DNAJC4: variants seen among roughly 807,000 people sequenced by gnomAD.
The protein encoded by DNAJC4 is dnaJ homolog subfamily C member 4.
Under a neutral mutation model 26.8 loss-of-function variants are expected in DNAJC4, and 26 were observed. The ratio of observed to expected loss-of-function variants is 0.97; its 90% confidence interval spans 0.71 to 1.34. The LOEUF is 1.34. DNAJC4 is among the 40% of genes most tolerant of loss of function. The pLI is 0.00. For missense variants in DNAJC4, 342 were observed against 321.1 expected, an observed-to-expected ratio of 1.07 and a Z score of -0.50; for synonymous variants, 134 against 127.8, an observed-to-expected ratio of 1.05 and a Z score of -0.33.
Position 64,234,015 on chromosome 11 carries a change from G to C in DNAJC4, c.614+35G>C, listed in dbSNP as rs778827346. ...TGCTCTATTCTGCTCCCTGCTCCCT[G>C]TCCAGGAACCACACTTCGGGATCCC... is the stretch of plus-strand genomic sequence containing the variant. On this transcript the variant is annotated intron_variant, in intron 5 of 5. Transcript: ENST00000628077. The surrounding 1 kb of genome is among the most constrained non-coding windows in gnomAD (Gnocchi z 5.3). The C allele has an allele frequency of 6.2e-6, 10 of 1,614,012 alleles. No homozygotes were observed. Among genetic ancestry groups the C allele is most frequent in the Admixed American group, 1.7e-5 (1 of 60,024 alleles).
chr11:64,231,164 T>C (rs1163195995), intron 1 of DNAJC4: 2 of 683,764 alleles, frequency 2.9e-6, no homozygotes, highest in Non-Finnish European at 5.3e-6. Context: ...CCCAACGCTC[T>C]TACCACAGCT....
At position 64,230,753 on chromosome 11, in the gene DNAJC4, G is replaced by C. The variant is rs1307582952; in HGVS notation, c.-102G>C. On this transcript the variant is annotated 5_prime_UTR_variant, in exon 1 of 6. Transcript: ENST00000628077. ...CTTCAGTCTTCCTTTGCAGAACAAC[G>C]GGCCAGGCCCCTTCCCTCTGCCCCC... 1 of 1,467,098 alleles carries C rather than the reference G, an allele frequency of 6.8e-7. No homozygotes were observed. Among genetic ancestry groups the C allele is most frequent in the African/African-American group, 1.4e-5 (1 of 71,388 alleles). The allele number at this position is 1,467,098 out of a possible 1,614,324, so 90.9% of individuals were successfully genotyped here.
intron 2 of DNAJC4, 109 bp from the exon 3 acceptor site, chr11:64,232,321 C>A: frequency 7.3e-7 from 1 of 1,370,380 alleles, no homozygotes; most frequent in Non-Finnish European, 9.7e-7. Flanking sequence ...GGTCACTGAC[C>A]AGGCAGGGCC....
rs1947164865 is a variant in DNAJC4, at chr11:64,230,830, C to G, written c.-25C>G. ...GGTCCAATGCGCTCTTGGTAGCCTCCTTTCCCAGCTGCCCGCCCGCCGCCA... is the reference window on the plus strand; with the variant it reads ...GGTCCAATGCGCTCTTGGTAGCCTCGTTTCCCAGCTGCCCGCCCGCCGCCA... On this transcript the variant is annotated 5_prime_UTR_variant, in exon 1 of 6. Coordinates refer to ENST00000628077, the MANE Select transcript of DNAJC4 (RefSeq NM_005528.4). 3.1e-6 allele frequency: 5 copies of G among 1,588,458 alleles called. No homozygotes were observed. The highest frequency in any genetic ancestry group is 4.3e-6 in the Non-Finnish European group (5 of 1,169,662).
At chr11:64,231,179 T>C in intron 1 of DNAJC4, 1 of 669,938 alleles carries the variant, frequency 1.5e-6, no homozygotes, top group Non-Finnish European at 2.7e-6. Context: ...ACAGCTCTAG[T>C]GGTTTCCAAG....
In DNAJC4 at chr11:64,232,533, A is replaced by G. The variant is rs774284402; in HGVS notation, c.284A>G (p.Tyr95Cys). The change falls in exon 3 of 6, where the codon TAT (tyrosine) becomes TGT (cysteine). Residue 95 changes from tyrosine to cysteine, a missense_variant. Coordinates refer to ENST00000628077, the MANE Select transcript of DNAJC4 (RefSeq NM_005528.4). ...VLSREQSRRS[Y>C]DDQLRSGSPP... ...AGCCGTGAGCAGAGCCGCCGCAGCT[A>G]TGATGACCAGCTCCGCTCAGGTAGT... is the stretch of plus-strand genomic sequence containing the variant. 5.6e-6 allele frequency: 9 copies of G among 1,613,322 alleles called. No individual in the cohort carries two copies. In the Admixed American group the frequency reaches 6.7e-5, roughly 12 times the overall value.
At chr11:64,231,197 G>A in intron 1 of DNAJC4, 1 of 646,902 alleles carries the variant, frequency 1.5e-6, no homozygotes, top group Non-Finnish European at 2.8e-6. Context: ...AAGCATCGCT[G>A]TATCACTGTG....
At chr11:64,232,368 T>A (rs766471862) in intron 2 of DNAJC4, 62 bp from the exon 3 acceptor site, 15 of 1,501,486 alleles carry the variant, frequency 1.0e-5, no homozygotes, top group Non-Finnish European at 1.3e-5. Flanking sequence ...GTGGATGTCA[T>A]CAGCATGGGT....
chr11:64,232,530 G>A lies in DNAJC4; in HGVS notation c.281G>A (p.Ser94Asn), dbSNP rs370287965. Reference sequence around the variant, plus strand: ...CTCAGCCGTGAGCAGAGCCGCCGCAGCTATGATGACCAGCTCCGCTCAGGT... The same window carrying A: ...CTCAGCCGTGAGCAGAGCCGCCGCAACTATGATGACCAGCTCCGCTCAGGT... ...RVLSREQSRR[S>N]YDDQLRSGSP... Residue 94 changes from serine (S) to asparagine (N), a missense_variant, in exon 3 of 6, where the codon AGC (serine) becomes AAC (asparagine). Physicochemically the swap from Ser to Asn is conservative, Grantham distance 46. Coordinates refer to ENST00000628077, the MANE Select transcript of DNAJC4 (RefSeq NM_005528.4). The A allele has an allele frequency of 3.7e-6, 6 of 1,613,296 alleles. No individual in the cohort carries two copies. The highest frequency in any genetic ancestry group is 5.1e-6 in the Non-Finnish European group (6 of 1,179,548).
At chr11:64,231,993 G>A in intron 2 of DNAJC4, 29 bp downstream of exon 2, 2 of 1,610,288 alleles carry the variant, frequency 1.2e-6, no homozygotes, top group Non-Finnish European at 1.7e-6. Flanking sequence ...TGGGGAGGGG[G>A]AGCAGGAACT....
intron 2 of DNAJC4, 167 bp downstream of exon 2, chr11:64,232,131 C>T: frequency 1.3e-6 from 1 of 772,062 alleles, no homozygotes; most frequent in South Asian, 1.7e-5. Flanking sequence ...TGGGCAGGAG[C>T]CAGGGGTCCT....
Position 64,231,051 on chromosome 11 carries a change from C to G in DNAJC4, c.86+111C>G, listed in dbSNP as rs776037316. On this transcript the variant is annotated intron_variant, in intron 1 of 5. Coordinates refer to ENST00000628077, the MANE Select transcript of DNAJC4 (RefSeq NM_005528.4). ...TGTCAGGAGGCTCCCAGGTTTGTCT[C>G]AGGTAACCCTCGCCTTCCCTGCTGA... 4 of 1,363,736 alleles carry G rather than the reference C, an allele frequency of 2.9e-6. No individual in the cohort carries two copies. The South Asian group carries it at 3.8e-5, about 13-fold the overall frequency. The allele number at this position is 1,363,736 out of a possible 1,614,324, so 84.5% of individuals were successfully genotyped here.
chr11:64,232,971 T>C (rs1346526908), intron 4 of DNAJC4, 106 bp downstream of exon 4: 1 of 1,330,456 alleles, frequency 7.5e-7, no homozygotes, highest in Non-Finnish European at 9.9e-7. Context: ...TACTCTTGTG[T>C]CTCTCAAGCT....
At chr11:64,231,138 T>C (rs1251640935) in intron 1 of DNAJC4, 198 bp downstream of exon 1, 5 of 755,228 alleles carry the variant, frequency 6.6e-6, no homozygotes, top group Non-Finnish European at 1.1e-5. Flanking sequence ...AGGAGGAAGT[T>C]TGAGTCCAGG....
chr11:64,230,971 G>A (rs1369091810), intron 1 of DNAJC4, 31 bp downstream of exon 1: 19 of 1,537,296 alleles, frequency 1.2e-5, no homozygotes, highest in Non-Finnish European at 1.7e-5. Context: ...CGGCCCGGTT[G>A]TTCAATGGGT....
In DNAJC4 at chr11:64,232,818, C is replaced by T; in HGVS notation, c.480C>T (p.Cys160=). 1 of 1,612,500 alleles carries T rather than the reference C, an allele frequency of 6.2e-7. No homozygotes were observed. The highest frequency in any genetic ancestry group is 1.1e-5 in the South Asian group (1 of 90,812). The change falls in exon 4 of 6, where the codon TGC becomes TGT. Residue 160 remains cysteine (C), a synonymous_variant. Transcript: ENST00000628077. ...HKQNKQVLGY[C]LLLMLAGMGL... is the part of the protein sequence containing the mutation. ...AAAACAAACAAGTGCTGGGGTACTG[C>T]CTCCTCCTCATGCTGGCGGGCATGG...
intron 4 of DNAJC4, 98 bp from the exon 5 acceptor site, chr11:64,233,796 G>T: frequency 6.6e-7 from 1 of 1,509,318 alleles, no homozygotes; most frequent in Non-Finnish European, 9.0e-7. Context: ...CCTGTGTAAG[G>T]GTAAAAAGCT....
At chr11:64,230,492 A>C (rs758191893), upstream of DNAJC4, 4 of 555,242 alleles carry the variant, frequency 7.2e-6, no homozygotes, top group Non-Finnish European at 1.4e-5. Flanking sequence ...GAATAGACGC[A>C]GGAAATGGCG....
At chr11:64,232,032 C>A in intron 2 of DNAJC4, 68 bp downstream of exon 2, 1 of 1,513,570 alleles carries the variant, frequency 6.6e-7, no homozygotes, top group Non-Finnish European at 9.2e-7. Flanking sequence ...GCTTCAAATT[C>A]CCAGGAGTAG....
Sources: gnomAD v4.1 joint callset for allele counts on GRCh38, gnomAD v4.1.1 for gene constraint, Gnocchi (gnomAD v3.1) non-coding constraint, MANE v1.5 for transcripts, NCBI Gene and HGNC (gene_info 2026-07-23, HGNC 2026-07-21) for gene names.